VPS16: variants seen among roughly 807,000 people sequenced by gnomAD.
The protein encoded by VPS16 is VPS16 core subunit of CORVET and HOPS complexes.
Under a neutral mutation model 116.0 loss-of-function variants are expected in VPS16, and 82 were observed. The observed-to-expected ratio is 0.71, with a 90% CI of 0.59 to 0.85. VPS16 has a LOEUF of 0.85. Ranked by LOEUF, VPS16 falls within the 40% of genes least tolerant of loss-of-function variation. VPS16 has a pLI of 0.00. For missense variants in VPS16, 928 were observed against 1,090.6 expected (o/e 0.85, Z 2.10); for synonymous variants, 406 against 420.7 (o/e 0.96, Z 0.43).
Position 2,856,197 on chromosome 20 carries a change from A to G in VPS16, c.54-3522A>G, listed in dbSNP as rs565806189. 2.5e-4 allele frequency among the ~76,000 whole-genome samples: 38 copies of G among 149,710 alleles called. No individual in the cohort carries two copies. In the East Asian group the frequency reaches 7.0e-3, roughly 28 times the overall value. On this transcript the variant is annotated intron_variant, in intron 1 of 23. Transcript: ENST00000380445. The stretch of plus-strand genomic sequence containing the variant: ...TCTCAGGGAATAGGAAGGCCTGAAG[A>G]GAGAGAGAGAGAGAGACGATCGGGG...
At chr20:2,854,294 G>A (rs549637898) in intron 1 of VPS16, among the ~76,000 whole-genome samples, 3 of 135,816 alleles carry the variant, frequency 2.2e-5, no homozygotes, top group African/African-American at 3.1e-5. Flanking sequence ...ACTAGCATGC[G>A]CCAGTAGTCC....
intron 1 of VPS16, among the ~76,000 whole-genome samples, chr20:2,848,458 C>A (rs1256112115): frequency 1.3e-5 from 2 of 152,144 alleles, no homozygotes; most frequent in Admixed American, 6.5e-5. Context: ...TGAGCGGAGC[C>A]ACTCCCACTT....
intron 1 of VPS16, among the ~76,000 whole-genome samples, chr20:2,842,927 G>T (rs1204262535): frequency 9.6e-5 from 1 of 10,384 alleles, no homozygotes; most frequent in Non-Finnish European, 2.6e-4. Context: ...TGCAAGTAAA[G>T]ATCACAAAGA....
In VPS16 at chr20:2,860,930, A is replaced by G; in HGVS notation, c.631-40A>G. 1 of 1,614,040 alleles carries G rather than the reference A, an allele frequency of 6.2e-7. No individual in the cohort carries two copies. The highest frequency in any genetic ancestry group is 1.1e-5 in the South Asian group (1 of 91,088). On this transcript the variant is annotated intron_variant, in intron 6 of 23. Transcript: ENST00000380445. This position sits in a 1 kb window ranked among gnomAD's most constrained non-coding sequence, Gnocchi z 6.1. ...GGCAATAGGGAGGTTCTGAAAAGTCAGTATGTATCTGTCCCACCCCTACCC... is the reference window on the plus strand; with the variant it reads ...GGCAATAGGGAGGTTCTGAAAAGTCGGTATGTATCTGTCCCACCCCTACCC...
rs140965521 is a variant in VPS16, at chr20:2,847,545, C to A, written c.53+6718C>A. On this transcript the variant is annotated intron_variant, in intron 1 of 23. Coordinates refer to ENST00000380445, the MANE Select transcript of VPS16 (RefSeq NM_022575.4). ...CCAGGCTGGAGTGCAATGGCATGAT[C>A]TCGGCTCACTGCAACCTCTGCCTTC... Among the ~76,000 whole-genome samples the A allele has an allele frequency of 5.1e-3, 770 of 150,072 alleles. 5 individuals carry two copies. Among genetic ancestry groups the A allele is most frequent in the African/African-American group, 0.018 (713 of 40,546 alleles).
rs1220755171 is a variant in VPS16, at chr20:2,864,531, C to T, written c.1819-16C>T. 6.2e-7 allele frequency: 1 copy of T among 1,614,116 alleles called. No homozygotes were observed. ...TGAGTTGGCCTTGCTGACTGATTGC[C>T]TGCCTGTGGCCCCAGTTCTGTAAGC... On this transcript the variant is annotated splice_polypyrimidine_tract_variant and intron_variant, in intron 18 of 23. Transcript: ENST00000380445. The surrounding 1 kb of genome is among the most constrained non-coding windows in gnomAD (Gnocchi z 5.2).
At position 2,860,095 on chromosome 20, in the gene VPS16, G is replaced by A; in HGVS notation, c.184G>A (p.Val62Met). ...NPWRKEKAAS[V>M]RPVLDIYSAS... ...CTGGCGGAAGGAGAAAGCTGCTAGT[G>A]TGAGGCCAGTGCTCGATATATACTC... Residue 62 changes from valine to methionine, a missense_variant, in exon 3 of 24, where the codon GTG becomes ATG. Physicochemically the swap from Val to Met is conservative, Grantham distance 21. Coordinates refer to ENST00000380445, the MANE Select transcript of VPS16 (RefSeq NM_022575.4). This position sits in a 1 kb window ranked among gnomAD's most constrained non-coding sequence, Gnocchi z 6.1. 2 of 1,614,064 alleles carry A rather than the reference G, an allele frequency of 1.2e-6. No individual in the cohort carries two copies. The highest frequency in any genetic ancestry group is 1.1e-5 in the South Asian group (1 of 91,084).
chr20:2,841,540 T>TA (rs2088974656), intron 1 of VPS16, among the ~76,000 whole-genome samples: 1 of 152,238 alleles, frequency 6.6e-6, no homozygotes, highest in African/African-American at 2.4e-5. Flanking sequence ...TTTCTGTGGA[T>TA]ACTGCCATTT....
In VPS16 at chr20:2,863,685, C is replaced by T. The variant is rs988235397; in HGVS notation, c.1477-264C>T. Among the ~76,000 whole-genome samples, 5 of 152,140 alleles carry T rather than the reference C, an allele frequency of 3.3e-5. No individual in the cohort carries two copies. Among genetic ancestry groups the T allele is most frequent in the Non-Finnish European group, 7.3e-5 (5 of 68,032 alleles). On this transcript the variant is annotated intron_variant, in intron 15 of 23. Transcript: ENST00000380445. This position sits in a 1 kb window ranked among gnomAD's most constrained non-coding sequence, Gnocchi z 4.4. ...GCTGAGGCAGGAGAATTGCTTTCACCTGGGAGGCAGAGGTTGCAGTGAGCT... is the reference window on the plus strand; with the variant it reads ...GCTGAGGCAGGAGAATTGCTTTCACTTGGGAGGCAGAGGTTGCAGTGAGCT...
intron 1 of VPS16, among the ~76,000 whole-genome samples, chr20:2,858,722 C>G (rs1237760318): frequency 6.6e-6 from 1 of 152,092 alleles, no homozygotes; most frequent in East Asian, 1.9e-4. Context: ...CCTCAAGCTC[C>G]CTACTCCAAC....
chr20:2,858,318 G>T (rs2089195196), intron 1 of VPS16, among the ~76,000 whole-genome samples: 1 of 152,006 alleles, frequency 6.6e-6, no homozygotes, highest in Non-Finnish European at 1.5e-5. Context: ...TGTTGCCCAG[G>T]CCAGTCTCGG....
Position 2,859,703 on chromosome 20 carries a change from A to G in VPS16, c.54-16A>G, listed in dbSNP as rs775019653. 1.1e-5 allele frequency: 18 copies of G among 1,612,792 alleles called. No homozygotes were observed. The highest frequency in any genetic ancestry group is 1.3e-5 in the African/African-American group (1 of 74,854). Reference sequence around the variant, plus strand: ...AGGGTAATGAGGCTAATTTCTGCTCATCTCTGTGTGGGCAGGAAATATGAG... The same window carrying G: ...AGGGTAATGAGGCTAATTTCTGCTCGTCTCTGTGTGGGCAGGAAATATGAG... On this transcript the variant is annotated splice_polypyrimidine_tract_variant and intron_variant, in intron 1 of 23. Coordinates refer to ENST00000380445, the MANE Select transcript of VPS16 (RefSeq NM_022575.4).
chr20:2,844,531 G>T (rs947780944), intron 1 of VPS16, among the ~76,000 whole-genome samples: 2 of 152,042 alleles, frequency 1.3e-5, no homozygotes, highest in African/African-American at 4.8e-5. Flanking sequence ...TGATAAAACA[G>T]ATGTGGAAGA....
chr20:2,849,372 C>A (rs928141334), intron 1 of VPS16, among the ~76,000 whole-genome samples: 1 of 147,400 alleles, frequency 6.8e-6, no homozygotes, highest in Non-Finnish European at 1.5e-5. Flanking sequence ...ACGATTTTGG[C>A]TCACTGCAAC....
At position 2,866,431 on chromosome 20, in the gene VPS16, G is replaced by A. The variant is rs369247781; in HGVS notation, c.2377G>A (p.Asp793Asn). Reference sequence around the variant, plus strand: ...CCTCCTCTCTTGCTCAAACCACAGCGATGTGGCTCAGGCTGCAGATGTGGC... The same window carrying A: ...CCTCCTCTCTTGCTCAAACCACAGCAATGTGGCTCAGGCTGCAGATGTGGC... ...QKVKALLLVG[D>N]VAQAADVAIE... The change falls in exon 24 of 24, where the codon GAT becomes AAT. Residue 793 changes from aspartate to asparagine, a missense_variant and splice_region_variant. Transcript: ENST00000380445. 42 of 1,614,176 alleles carry A rather than the reference G, an allele frequency of 2.6e-5. No individual in the cohort carries two copies. The African/African-American group carries it at 4.5e-4, about 17-fold the overall frequency.
At chr20:2,854,617 A>G (rs1397665589) in intron 1 of VPS16, among the ~76,000 whole-genome samples, 2 of 151,402 alleles carry the variant, frequency 1.3e-5, no homozygotes, top group Non-Finnish European at 2.9e-5. Context: ...AACACGGTGA[A>G]ACCCTGTCTC....
At position 2,860,821 on chromosome 20, in the gene VPS16, G is replaced by A. The variant is rs148998039; in HGVS notation, c.588G>A (p.Gly196=). Residue 196 remains glycine, a synonymous_variant, in exon 6 of 24, where the codon GGG becomes GGA. Transcript: ENST00000380445. This position sits in a 1 kb window ranked among gnomAD's most constrained non-coding sequence, Gnocchi z 6.1. ...DRVAHILLAV[G]PDLYLLDHAA... is the part of the protein sequence containing the mutation. The stretch of plus-strand genomic sequence containing the variant: ...TGGCACACATTCTTCTGGCTGTGGG[G>A]CCTGACCTTTACCTCTTGGACCATG... The A allele has an allele frequency of 4.5e-5, 73 of 1,614,006 alleles. No individual in the cohort carries two copies. Among genetic ancestry groups the A allele is most frequent in the Middle Eastern group, 1.6e-4 (1 of 6,084 alleles).
chr20:2,844,872 A>G (rs1236751270), intron 1 of VPS16, among the ~76,000 whole-genome samples: 2 of 152,162 alleles, frequency 1.3e-5, no homozygotes, highest in African/African-American at 4.8e-5. Flanking sequence ...CAAGAACAGG[A>G]CATGGATGAA....
rs935048739 is a variant in VPS16 at position 2,863,767 on chromosome 20, AAAAG to A, written c.1477-175_1477-172del. On this transcript the variant is annotated intron_variant, in intron 15 of 23. Transcript: ENST00000380445. This position sits in a 1 kb window ranked among gnomAD's most constrained non-coding sequence, Gnocchi z 4.4. Reference sequence around the variant, plus strand: ...ACAGAGCAAGACTCTGTCTCAAAAAAAAAGAAAGAAGTGGCGGGGGCGGAGGAGG... The same window carrying A: ...ACAGAGCAAGACTCTGTCTCAAAAAAAAAGAAGTGGCGGGGGCGGAGGAGG... 1.3e-5 allele frequency among the ~76,000 whole-genome samples: 2 copies of A among 151,986 alleles called. No homozygotes were observed. The highest frequency in any genetic ancestry group is 2.9e-5 in the Non-Finnish European group (2 of 67,990).
Sources: allele counts gnomAD v4.1 joint callset (sites outside exome capture counted in the v4.1 genomes callset), GRCh38; gene constraint gnomAD v4.1.1; non-coding constraint Gnocchi (gnomAD v3.1); transcripts MANE v1.5; gene names NCBI Gene and HGNC (gene_info 2026-07-23, HGNC 2026-07-21).